The following OR51E1 variants were observed in gnomAD, a reference collection of about 807,000 sequenced individuals.
OR51E1 encodes the protein olfactory receptor family 51 subfamily E member 1, also known as olfactory receptor 51E1.
Under a neutral mutation model 11.5 loss-of-function variants are expected in OR51E1, and 9 were observed. The ratio of observed to expected loss-of-function variants is 0.78; its 90% confidence interval spans 0.47 to 1.37. The LOEUF (loss-of-function observed/expected upper bound fraction) is 1.37. Ranked by LOEUF, OR51E1 falls within the 40% of genes most tolerant of loss-of-function variation. The probability of loss-of-function intolerance (pLI) is 0.00; values close to 1 mark genes in which losing one functional copy is unlikely to be tolerated. For missense variants in OR51E1, 397 were observed against 410.2 expected, an observed-to-expected ratio of 0.97 and a Z score of 0.28; for synonymous variants, 168 against 158.3, an observed-to-expected ratio of 1.06 and a Z score of -0.46.
Position 4,645,690 on chromosome 11 carries a change from T to C in OR51E1, c.-40+1660T>C, listed in dbSNP as rs948850448. ...GGGAACTGGTAACTAGGTGCAGCTT[T>C]GCAGATCTTTAGAACACTTATCTGG... is the stretch of plus-strand genomic sequence containing the variant. On this transcript the variant is annotated intron_variant, in intron 1 of 1. Coordinates refer to ENST00000396952, the MANE Select transcript of OR51E1 (RefSeq NM_152430.4). Among the ~76,000 whole-genome samples the C allele has an allele frequency of 2.0e-5, 3 of 152,148 alleles. 1 individual carries two copies. Among genetic ancestry groups the C allele is most frequent in the African/African-American group, 7.2e-5 (3 of 41,440 alleles).
Position 4,653,436 on chromosome 11 carries a change from C to A in OR51E1, c.910C>A (p.Arg304Ser), listed in dbSNP as rs200993659. Reference sequence around the variant, plus strand: ...AGTGAAGACAAAGGAGATTCGACAGCGCATCCTTCGACTTTTCCATGTGGC... The same window carrying A: ...AGTGAAGACAAAGGAGATTCGACAGAGCATCCTTCGACTTTTCCATGTGGC... ...YGVKTKEIRQ[R>S]ILRLFHVATH... The change falls in exon 2 of 2, where the codon CGC (arginine) becomes AGC (serine). Residue 304 changes from arginine (R) to serine (S), a missense_variant. Physicochemically the swap from Arg to Ser is moderately radical, Grantham distance 110 (BLOSUM62 -1). Transcript: ENST00000396952. The A allele has an allele frequency of 1.2e-6, 2 of 1,613,702 alleles. No homozygotes were observed. The highest frequency in any genetic ancestry group is 1.7e-5 in the Admixed American group (1 of 59,990).
At position 4,655,290 on chromosome 11, in the gene OR51E1, C is replaced by T. The variant is rs559470374; in HGVS notation, c.*1807C>T. On this transcript the variant is annotated 3_prime_UTR_variant, in exon 2 of 2. Coordinates refer to ENST00000396952, the MANE Select transcript of OR51E1 (RefSeq NM_152430.4). ...ATTTCTATACCTGGCTCATAAAACC[C>T]TCCCATGTGCAGCCTTTCATGTTGA... 6.0e-6 allele frequency: 1 copy of T among 167,192 alleles called. No individual in the cohort carries two copies. The highest frequency in any genetic ancestry group is 2.1e-4 in the South Asian group (1 of 4,822). The allele number at this position is 167,192 out of a possible 1,614,324, so 10.4% of individuals were successfully genotyped here. A position where few individuals can be genotyped will look rare whatever the true frequency, so the allele number is the denominator to read the frequency against.
intron 1 of OR51E1, 71 bp from the exon 2 acceptor site, chr11:4,652,417 A>T: frequency 1.4e-6 from 1 of 699,298 alleles, no homozygotes; most frequent in East Asian, 2.5e-5. Context: ...AGAACAGTAC[A>T]TCAGGATAGA....
At chr11:4,644,428 T>C (rs1387289778) in intron 1 of OR51E1, among the ~76,000 whole-genome samples, 1 of 151,946 alleles carries the variant, frequency 6.6e-6, no homozygotes, top group Non-Finnish European at 1.5e-5. Flanking sequence ...AAGCTCAGTC[T>C]ATGACTGGGG....
intron 1 of OR51E1, among the ~76,000 whole-genome samples, chr11:4,650,536 C>T (rs1407630310): frequency 6.6e-6 from 1 of 152,220 alleles, no homozygotes; most frequent in East Asian, 1.9e-4. Context: ...ACTATTCATG[C>T]TCCCATTGTT....
intron 1 of OR51E1, among the ~76,000 whole-genome samples, chr11:4,651,125 A>G (rs1464102070): frequency 1.3e-5 from 2 of 152,186 alleles, no homozygotes; most frequent in Non-Finnish European, 2.9e-5. Flanking sequence ...TTTCCACCTC[A>G]GTAATATCAA....
chr11:4,650,760 A>G (rs939396163), intron 1 of OR51E1, among the ~76,000 whole-genome samples: 2 of 152,236 alleles, frequency 1.3e-5, no homozygotes. Flanking sequence ...ACTACAATAC[A>G]CATGATCTAA....
At chr11:4,645,913 G>T (rs1334437146) in intron 1 of OR51E1, among the ~76,000 whole-genome samples, 2 of 152,138 alleles carry the variant, frequency 1.3e-5, no homozygotes, top group East Asian at 1.9e-4. Context: ...ACCTTGCAAG[G>T]GTTCATCTGC....
In OR51E1 at chr11:4,653,564, G is replaced by GA. The variant is rs1308697476; in HGVS notation, c.*89dup. 1.4e-5 allele frequency: 12 copies of GA among 869,516 alleles called. No homozygotes were observed. The highest frequency in any genetic ancestry group is 5.1e-5 in the African/African-American group (3 of 59,034). The allele number at this position is 869,516 out of a possible 1,614,324, so 53.9% of individuals were successfully genotyped here. On this transcript the variant is annotated 3_prime_UTR_variant, in exon 2 of 2. Coordinates refer to ENST00000396952, the MANE Select transcript of OR51E1 (RefSeq NM_152430.4). ...TTAACATTTTGGAAGACAGTATTCA[G>GA]AAAAAAAATTTCCTTAATAAAAATA...
Position 4,653,271 on chromosome 11 carries a change from G to T in OR51E1, c.745G>T (p.Ala249Ser), listed in dbSNP as rs1847127479. Reference protein sequence around the residue: ...AFGTCVSHVCAVFIFYVPFIG... With the variant: ...AFGTCVSHVCSVFIFYVPFIG... ...TGGCACTTGCGTCTCTCATGTGTGT[G>T]CTGTGTTCATATTCTATGTACCTTT... The change falls in exon 2 of 2, where the codon GCT (alanine) becomes TCT (serine). Residue 249 changes from alanine to serine, a missense_variant. Ala to Ser is a moderately conservative substitution (Grantham distance 99). Coordinates refer to ENST00000396952, the MANE Select transcript of OR51E1 (RefSeq NM_152430.4). 2 of 1,614,042 alleles carry T rather than the reference G, an allele frequency of 1.2e-6. No individual in the cohort carries two copies. Among genetic ancestry groups the T allele is most frequent in the South Asian group, 1.1e-5 (1 of 91,080 alleles).
chr11:4,650,022 A>G (rs961304961), intron 1 of OR51E1, among the ~76,000 whole-genome samples: 2 of 152,212 alleles, frequency 1.3e-5, no homozygotes, highest in Non-Finnish European at 2.9e-5. Flanking sequence ...TTCAATGGCT[A>G]TATAATACTG....
chr11:4,650,155 A>G (rs1378988946), intron 1 of OR51E1, among the ~76,000 whole-genome samples: 1 of 152,216 alleles, frequency 6.6e-6, no homozygotes, highest in African/African-American at 2.4e-5. Flanking sequence ...TTCAGGGTTC[A>G]TTAACTAGGT....
intron 1 of OR51E1, among the ~76,000 whole-genome samples, chr11:4,644,643 G>T (rs1847005934): frequency 6.6e-6 from 1 of 152,120 alleles, no homozygotes. Flanking sequence ...AACACCCCTT[G>T]CCTTGTACTC....
Position 4,654,651 on chromosome 11 carries a change from T to G in OR51E1, c.*1168T>G, listed in dbSNP as rs1847146683. The stretch of plus-strand genomic sequence containing the variant: ...ACATTGGCCTTTTGAGTGTGACTCG[T>G]AGCTGGAAAGTGAGGGAATCTTCAG... On this transcript the variant is annotated 3_prime_UTR_variant, in exon 2 of 2. Transcript: ENST00000396952. 1 of 167,062 alleles carries G rather than the reference T, an allele frequency of 6.0e-6. No homozygotes were observed. The highest frequency in any genetic ancestry group is 2.4e-5 in the African/African-American group (1 of 41,448). The allele number at this position is 167,062 out of a possible 1,614,324, so 10.3% of individuals were successfully genotyped here. A position where few individuals can be genotyped will look rare whatever the true frequency, so the allele number is the denominator to read the frequency against.
intron 1 of OR51E1, among the ~76,000 whole-genome samples, chr11:4,646,589 T>C (rs1306364038): frequency 6.6e-6 from 1 of 152,138 alleles, no homozygotes; most frequent in East Asian, 1.9e-4. Flanking sequence ...AATAAGGAAA[T>C]ACGTGGTAGA....
intron 1 of OR51E1, among the ~76,000 whole-genome samples, chr11:4,649,449 G>A (rs909717838): frequency 6.6e-6 from 1 of 152,140 alleles, no homozygotes; most frequent in African/African-American, 2.4e-5. Flanking sequence ...GGCTATGTTT[G>A]TGAAATAGCA....
intron 1 of OR51E1, among the ~76,000 whole-genome samples, chr11:4,648,174 A>G (rs1847051884): frequency 6.6e-6 from 1 of 152,020 alleles, no homozygotes; most frequent in African/African-American, 2.4e-5. Context: ...TGCCCATTTT[A>G]TACTGCCTAG....
intron 1 of OR51E1, among the ~76,000 whole-genome samples, chr11:4,647,874 C>G (rs1409097555): frequency 6.6e-6 from 1 of 151,886 alleles, no homozygotes; most frequent in Non-Finnish European, 1.5e-5. Flanking sequence ...TTTATTTTTT[C>G]TTGATTGTGC....
At chr11:4,648,024 T>C (rs1041721870) in intron 1 of OR51E1, among the ~76,000 whole-genome samples, 9 of 152,094 alleles carry the variant, frequency 5.9e-5, no homozygotes, top group Non-Finnish European at 1.3e-4. Context: ...GGAGGGACTG[T>C]TGAACATTGG....
Sources: allele counts gnomAD v4.1 joint callset (sites outside exome capture counted in the v4.1 genomes callset), GRCh38; gene constraint gnomAD v4.1.1; transcripts MANE v1.5; gene names NCBI Gene and HGNC (gene_info 2026-07-23, HGNC 2026-07-21).